Variants in MAP3K9 observed in about 807,000 individuals in gnomAD.
MAP3K9 encodes mixed lineage kinase 1 (tyr and ser/thr specificity).
A neutral mutation model predicts 95.8 loss-of-function variants in MAP3K9; 46 were observed. The ratio of observed to expected loss-of-function variants is 0.48; its 90% CI spans 0.38 to 0.61. The LOEUF is 0.61. Among genes scored for constraint, MAP3K9 ranks in the 20% least tolerant of loss-of-function variants. MAP3K9 has a pLI of 0.00. For synonymous variants in MAP3K9, 533 were observed against 593.8 expected, an observed-to-expected ratio of 0.90 and a Z score of 1.49; for missense variants, 1,296 against 1,474.3, an observed-to-expected ratio of 0.88 and a Z score of 1.98.
At chr14:70,783,552 G>A (rs1237969102) in intron 2 of MAP3K9, 10 of 233,698 alleles carry the variant, frequency 4.3e-5, no homozygotes, top group Non-Finnish European at 7.0e-5. Flanking sequence ...GTGGGCGAAG[G>A]AAATAGCCGG....
At chr14:70,787,585 G>T (rs1294017676) in intron 2 of MAP3K9, among the ~76,000 whole-genome samples, 2 of 151,352 alleles carry the variant, frequency 1.3e-5, no homozygotes, top group Non-Finnish European at 2.9e-5. Context: ...TCCCAAACCT[G>T]CTCCAAGGGA....
chr14:70,763,473 T>G (rs1452928389), intron 2 of MAP3K9, among the ~76,000 whole-genome samples: 2 of 121,896 alleles, frequency 1.6e-5, no homozygotes, highest in Non-Finnish European at 3.5e-5. Context: ...TATACAATTA[T>G]GTACCATACA....
At position 70,730,006 on chromosome 14, in the gene MAP3K9, C is replaced by A; in HGVS notation, c.*374G>T. On this transcript the variant is annotated 3_prime_UTR_variant, in exon 12 of 12. Coordinates refer to ENST00000554752, the MANE Select transcript of MAP3K9 (RefSeq NM_001284230.2). Reference sequence around the variant, plus strand: ...CTGAACTCGGGGCTGACAAAGGGACCCTATGACAGCTCTGCGCACACCCAA... The same window carrying A: ...CTGAACTCGGGGCTGACAAAGGGACACTATGACAGCTCTGCGCACACCCAA... The A allele has an allele frequency of 9.4e-6, 2 of 213,894 alleles. No individual in the cohort carries two copies. Among genetic ancestry groups the A allele is most frequent in the Admixed American group, 5.3e-5 (1 of 18,864 alleles). The allele number at this position is 213,894 out of a possible 1,614,324, so 13.2% of individuals were successfully genotyped here. A position where few individuals can be genotyped will look rare whatever the true frequency, so the allele number is the denominator to read the frequency against.
chr14:70,732,456 G>C, intron 11 of MAP3K9, 83 bp downstream of exon 11: 2 of 1,473,854 alleles, frequency 1.4e-6, no homozygotes, highest in Non-Finnish European at 1.8e-6. Context: ...TCCCGAAGTG[G>C]AAAGAGAAAA....
At chr14:70,784,325 A>T (rs1184381637) in intron 2 of MAP3K9, among the ~76,000 whole-genome samples, 1 of 152,002 alleles carries the variant, frequency 6.6e-6, no homozygotes, top group African/African-American at 2.4e-5. Flanking sequence ...TAAAATAAAA[A>T]ACAAAACCAC....
At chr14:70,763,795 G>C (rs879596568) in intron 2 of MAP3K9, among the ~76,000 whole-genome samples, 2 of 152,118 alleles carry the variant, frequency 1.3e-5, no homozygotes, top group Admixed American at 6.5e-5. Flanking sequence ...GCCTCCCAAA[G>C]TGTTGGGATT....
intron 2 of MAP3K9, among the ~76,000 whole-genome samples, chr14:70,784,465 G>C (rs1031053424): frequency 1.3e-5 from 2 of 151,478 alleles, no homozygotes; most frequent in Non-Finnish European, 2.9e-5. Flanking sequence ...AGCTGAAGCC[G>C]GGCACAGTGG....
chr14:70,797,002 T>G (rs2054872238), intron 2 of MAP3K9, among the ~76,000 whole-genome samples: 1 of 152,244 alleles, frequency 6.6e-6, no homozygotes, highest in Non-Finnish European at 1.5e-5. Context: ...GGATACTATA[T>G]GCCATACGCG....
intron 6 of MAP3K9, among the ~76,000 whole-genome samples, chr14:70,741,806 G>A (rs1007077090): frequency 2.0e-5 from 3 of 152,158 alleles, no homozygotes; most frequent in African/African-American, 7.2e-5. Flanking sequence ...AATCAGCTGG[G>A]CGTGGTGGCA....
Position 70,809,348 on chromosome 14 carries a change from A to G in MAP3K9, c.-177T>C, listed in dbSNP as rs1200730182. The G allele has an allele frequency of 6.4e-6, 5 of 783,282 alleles. No homozygotes were observed. The East Asian group carries it at 1.7e-4, about 27-fold the overall frequency. The allele number at this position is 783,282 out of a possible 1,614,324, so 48.5% of individuals were successfully genotyped here. A position where few individuals can be genotyped will look rare whatever the true frequency, so the allele number is the denominator to read the frequency against. ...TCGCCGGCGCTGTTACCGCGGTACG[A>G]GAAGAGCGCCGAGCGCGAGCTCTTC... On this transcript the variant is annotated 5_prime_UTR_variant, in exon 1 of 12. Coordinates refer to ENST00000554752, the MANE Select transcript of MAP3K9 (RefSeq NM_001284230.2).
chr14:70,808,632 C>A, intron 1 of MAP3K9, 134 bp downstream of exon 1: 1 of 516,898 alleles, frequency 1.9e-6, no homozygotes, highest in Non-Finnish European at 3.2e-6. Context: ...AAGCGCGCGC[C>A]ACCCACACCC....
chr14:70,801,747 A>T (rs1332346632), intron 1 of MAP3K9, among the ~76,000 whole-genome samples: 1 of 152,208 alleles, frequency 6.6e-6, no homozygotes, highest in Non-Finnish European at 1.5e-5. Context: ...TGGGGAAAGG[A>T]TTCTCAGGGA....
At chr14:70,755,353 A>G (rs2054285512) in intron 3 of MAP3K9, among the ~76,000 whole-genome samples, 1 of 152,228 alleles carries the variant, frequency 6.6e-6, no homozygotes, top group East Asian at 1.9e-4. Context: ...GAACAGGACC[A>G]TACAGATGGT....
intron 9 of MAP3K9, among the ~76,000 whole-genome samples, chr14:70,735,672 G>C (rs1331964097): frequency 6.6e-6 from 1 of 152,138 alleles, no homozygotes; most frequent in African/African-American, 2.4e-5. Flanking sequence ...AACCAGTGCT[G>C]AAGACCAAAG....
At chr14:70,792,881 C>T (rs2054821383) in intron 2 of MAP3K9, among the ~76,000 whole-genome samples, 1 of 152,250 alleles carries the variant, frequency 6.6e-6, no homozygotes, top group Non-Finnish European at 1.5e-5. Context: ...AAGACAAAAT[C>T]TCTATCATCC....
At chr14:70,756,445 T>G (rs2054300019) in intron 3 of MAP3K9, among the ~76,000 whole-genome samples, 1 of 152,190 alleles carries the variant, frequency 6.6e-6, no homozygotes, top group Non-Finnish European at 1.5e-5. Flanking sequence ...AGTGGCTGCT[T>G]GTCCCCTCAA....
intron 3 of MAP3K9, among the ~76,000 whole-genome samples, chr14:70,759,332 C>T (rs1273532115): frequency 6.6e-6 from 1 of 152,082 alleles, no homozygotes; most frequent in South Asian, 2.1e-4. Context: ...ATCCCAGCTA[C>T]TTGGGAGGCT....
Position 70,732,670 on chromosome 14 carries a change from T to A in MAP3K9, c.2699A>T (p.His900Leu). ...RDPNQSLTPTHVTLTTPSQPS... is the reference protein window; with the variant it reads ...RDPNQSLTPTLVTLTTPSQPS... ...CTGCGAGGGGGTGGTGAGGGTGACATGGGTGGGAGTCAGAGATTGGTTAGG... is the reference window on the plus strand; with the variant it reads ...CTGCGAGGGGGTGGTGAGGGTGACAAGGGTGGGAGTCAGAGATTGGTTAGG... Residue 900 changes from histidine (H) to leucine (L), a missense_variant, in exon 11 of 12, where the codon CAT (histidine) becomes CTT (leucine). By Grantham distance (99) the His-to-Leu change is moderately conservative. This residue lies in a region of MAP3K9 where 433 missense variants were observed against 441.4 expected (regional missense o/e 0.98). Coordinates refer to ENST00000554752, the MANE Select transcript of MAP3K9 (RefSeq NM_001284230.2). The A allele has an allele frequency of 6.2e-7, 1 of 1,602,868 alleles. No homozygotes were observed. Among genetic ancestry groups the A allele is most frequent in the Non-Finnish European group, 8.5e-7 (1 of 1,173,586 alleles).
chr14:70,794,630 AAC>A (rs1454541583), intron 2 of MAP3K9, among the ~76,000 whole-genome samples: 2 of 151,818 alleles, frequency 1.3e-5, no homozygotes, highest in African/African-American at 2.4e-5. Context: ...AAACTGGAAA[AAC>A]ACACAGTGTT....
Sources: allele counts gnomAD v4.1 joint callset (sites outside exome capture counted in the v4.1 genomes callset), GRCh38; gene constraint gnomAD v4.1.1; regional missense constraint gnomAD v4.1.1; transcripts MANE v1.5; gene names NCBI Gene and HGNC (gene_info 2026-07-23, HGNC 2026-07-21).